VEGFC: variants seen among roughly 807,000 people sequenced by gnomAD.
VEGFC encodes vascular endothelial growth factor C.
Under a neutral mutation model 46.1 loss-of-function variants are expected in VEGFC, and 12 were observed. The observed-to-expected ratio is 0.26, with a 90% CI of 0.17 to 0.42. VEGFC has a LOEUF of 0.42. VEGFC is among the 10% of genes least tolerant of loss of function. The pLI is 1.00. For missense variants in VEGFC, 488 were observed against 529.4 expected, an observed-to-expected ratio of 0.92 and a Z score of 0.77; for synonymous variants, 232 against 195.5, an observed-to-expected ratio of 1.19 and a Z score of -1.56.
At chr4:176,759,240 C>T (rs1735485850) in intron 1 of VEGFC, among the ~76,000 whole-genome samples, 1 of 151,850 alleles carries the variant, frequency 6.6e-6, no homozygotes, top group African/African-American at 2.4e-5. Flanking sequence ...GGGGTTGAGC[C>T]CATATATTTG....
chr4:176,765,550 A>ATTTTTTTT (rs779746169), intron 1 of VEGFC, among the ~76,000 whole-genome samples: 5 of 131,516 alleles, frequency 3.8e-5, no homozygotes, highest in Non-Finnish European at 6.4e-5. Context: ...CAAAGACAGA[A>ATTTTTTTT]TTTTTTTTTT....
intron 1 of VEGFC, among the ~76,000 whole-genome samples, chr4:176,743,734 G>A (rs983290626): frequency 2.0e-5 from 3 of 151,686 alleles, no homozygotes; most frequent in African/African-American, 7.3e-5. Context: ...TATTCATATG[G>A]ATATAAATGT....
At position 176,728,962 on chromosome 4, in the gene VEGFC, A is replaced by G. The variant is rs78828482; in HGVS notation, c.361+571T>C. Reference sequence around the variant, plus strand: ...GCAATCCTCCCACTTTGGCCTCCCAATGGTCTCGGATTACAGACATGAACC... The same window carrying G: ...GCAATCCTCCCACTTTGGCCTCCCAGTGGTCTCGGATTACAGACATGAACC... On this transcript the variant is annotated intron_variant, in intron 2 of 6. Coordinates refer to ENST00000618562, the MANE Select transcript of VEGFC (RefSeq NM_005429.5). Among the ~76,000 whole-genome samples the G allele has an allele frequency of 4.6e-3, 693 of 152,186 alleles. 8 individuals are homozygous for G. The highest frequency in any genetic ancestry group is 0.045 in the East Asian group (231 of 5,172).
At chr4:176,783,177 T>G (rs964557706) in intron 1 of VEGFC, among the ~76,000 whole-genome samples, 1 of 152,192 alleles carries the variant, frequency 6.6e-6, no homozygotes, top group African/African-American at 2.4e-5. Context: ...ACTCCATAAT[T>G]CATCCCAGTG....
intron 3 of VEGFC, among the ~76,000 whole-genome samples, chr4:176,723,773 G>A (rs1179439840): frequency 7.4e-6 from 1 of 134,720 alleles, no homozygotes; most frequent in Non-Finnish European, 1.6e-5. Flanking sequence ...TAGGTTTGGG[G>A]TTTTATTTTA....
chr4:176,688,463 T>C (rs942585317), intron 4 of VEGFC, among the ~76,000 whole-genome samples: 1 of 152,192 alleles, frequency 6.6e-6, no homozygotes, highest in African/African-American at 2.4e-5. Context: ...TACTGACTTA[T>C]TTCTGAAGCA....
chr4:176,735,044 T>G (rs1027905813), intron 1 of VEGFC, among the ~76,000 whole-genome samples: 1 of 151,756 alleles, frequency 6.6e-6, no homozygotes, highest in African/African-American at 2.4e-5. Flanking sequence ...GTTATTGCTT[T>G]GAAAAAAGGG....
intron 1 of VEGFC, among the ~76,000 whole-genome samples, chr4:176,756,918 C>A (rs1251214531): frequency 1.3e-5 from 2 of 151,878 alleles, no homozygotes; most frequent in African/African-American, 4.8e-5. Flanking sequence ...TTTTGACTTC[C>A]TAATAGATTG....
intron 1 of VEGFC, among the ~76,000 whole-genome samples, chr4:176,777,298 G>C (rs913028915): frequency 6.6e-6 from 1 of 152,290 alleles, no homozygotes; most frequent in East Asian, 1.9e-4. Flanking sequence ...GCCTGGCCGA[G>C]ACAGCGAGAC....
chr4:176,788,001 T>C (rs1579145391), intron 1 of VEGFC, among the ~76,000 whole-genome samples: 1 of 152,212 alleles, frequency 6.6e-6, no homozygotes, highest in African/African-American at 2.4e-5. Context: ...CAAGGAATAA[T>C]GTAACTGGTG....
chr4:176,759,258 G>T (rs1264879746), intron 1 of VEGFC, among the ~76,000 whole-genome samples: 1 of 151,808 alleles, frequency 6.6e-6, no homozygotes, highest in East Asian at 1.9e-4. Context: ...TTGGGACAGT[G>T]GGGGGAAAAA....
At chr4:176,687,650 T>A (rs757549084) in intron 5 of VEGFC, 130 bp from the exon 6 acceptor site, 5 of 1,071,750 alleles carry the variant, frequency 4.7e-6, no homozygotes, top group Non-Finnish European at 6.5e-6. Flanking sequence ...CATGAGTATG[T>A]TCCTTTATAA....
intron 4 of VEGFC, among the ~76,000 whole-genome samples, chr4:176,692,071 C>T (rs780844255): frequency 2.6e-5 from 4 of 152,026 alleles, no homozygotes; most frequent in South Asian, 4.1e-4. Flanking sequence ...CACTCCCACC[C>T]GAATACTGCG....
chr4:176,782,328 GTGGCACGTGCC>G (rs1168937283), intron 1 of VEGFC, among the ~76,000 whole-genome samples: 1 of 152,020 alleles, frequency 6.6e-6, no homozygotes, highest in Admixed American at 6.6e-5. Flanking sequence ...GCTGGGTGGG[GTGGCACGTGCC>G]TGTGATCCCA....
In VEGFC at chr4:176,785,186, A is replaced by T. The variant is rs549258392; in HGVS notation, c.147+6979T>A. Among the ~76,000 whole-genome samples, 17 of 152,354 alleles carry T rather than the reference A, an allele frequency of 1.1e-4. No homozygotes were observed. In the South Asian group the frequency reaches 3.1e-3, roughly 28 times the overall value. ...TTACTATTGCATAAAAGTAAGAGAA[A>T]ATGGTAATTTAGGGATGAAGTTTTA... On this transcript the variant is annotated intron_variant, in intron 1 of 6. Coordinates refer to ENST00000618562, the MANE Select transcript of VEGFC (RefSeq NM_005429.5).
At chr4:176,688,688 A>C (rs932435769) in intron 4 of VEGFC, among the ~76,000 whole-genome samples, 21 of 148,242 alleles carry the variant, frequency 1.4e-4, no homozygotes, top group Non-Finnish European at 3.1e-4. Context: ...TACAGGCTTC[A>C]GTCAAGTACC....
chr4:176,754,028 A>G (rs1735392170), intron 1 of VEGFC, among the ~76,000 whole-genome samples: 1 of 152,116 alleles, frequency 6.6e-6, no homozygotes, highest in African/African-American at 2.4e-5. Context: ...TACTGTAACC[A>G]TATTCCAGAT....
At chr4:176,696,833 A>G (rs554541243) in intron 4 of VEGFC, among the ~76,000 whole-genome samples, 74 of 152,326 alleles carry the variant, frequency 4.9e-4, no homozygotes, top group African/African-American at 1.7e-3. Context: ...AACGCCGCAT[A>G]TCTACAACAA....
intron 1 of VEGFC, among the ~76,000 whole-genome samples, chr4:176,766,484 G>C (rs1735624108): frequency 6.6e-6 from 1 of 151,770 alleles, no homozygotes; most frequent in South Asian, 2.1e-4. Context: ...GTACTCAGGA[G>C]ACTGAGGTGG....
Sources: gnomAD v4.1 joint callset for allele counts (sites outside exome capture counted in the v4.1 genomes callset) on GRCh38, gnomAD v4.1.1 for gene constraint, MANE v1.5 for transcripts, NCBI Gene and HGNC (gene_info 2026-07-23, HGNC 2026-07-21) for gene names.